The following SOX5 variants were observed in gnomAD, a reference collection of about 807,000 sequenced individuals.
The protein encoded by SOX5 is transcription factor SOX-5.
Under a neutral mutation model 92.0 loss-of-function variants are expected in SOX5, and 9 were observed. That is an observed-to-expected ratio of 0.10 (90% confidence interval 0.06 to 0.17). The LOEUF (loss-of-function observed/expected upper bound fraction) is 0.17, where lower values mean the gene tolerates loss of function less well. SOX5 is among the 10% of genes least tolerant of loss of function. The pLI, the probability that SOX5 is intolerant of heterozygous loss-of-function variation, is 1.00. For synonymous variants in SOX5, 344 were observed against 336.3 expected (o/e 1.02, Z -0.25); for missense variants, 642 against 944.5 (o/e 0.68, Z 4.20).
At chr12:24,066,043 C>G (rs1386215762) in intron 4 of SOX5, among the ~76,000 whole-genome samples, 1 of 151,410 alleles carries the variant, frequency 6.6e-6, no homozygotes, top group Non-Finnish European at 1.5e-5. Context: ...AAGGAACTTA[C>G]AGTCTAAAAA....
At chr12:24,099,739 T>A (rs1349512099) in intron 4 of SOX5, among the ~76,000 whole-genome samples, 1 of 152,150 alleles carries the variant, frequency 6.6e-6, no homozygotes, top group Admixed American at 6.6e-5. Flanking sequence ...TGAAGATGTA[T>A]TAAGTTTACT....
chr12:24,202,209 A>C (rs1347629215), intron 4 of SOX5, among the ~76,000 whole-genome samples: 2 of 152,228 alleles, frequency 1.3e-5, no homozygotes, highest in African/African-American at 4.8e-5. Context: ...TAACATACCT[A>C]TCACTCTATT....
chr12:24,365,004 T>C (rs1231871283), intron 2 of SOX5, among the ~76,000 whole-genome samples: 3 of 152,036 alleles, frequency 2.0e-5, no homozygotes, highest in African/African-American at 4.8e-5. Context: ...TTCAGTGGCA[T>C]TAATTGGTAG....
chr12:23,544,309 G>C (rs1942704176), intron 12 of SOX5, among the ~76,000 whole-genome samples: 1 of 152,164 alleles, frequency 6.6e-6, no homozygotes, highest in Admixed American at 6.5e-5. Flanking sequence ...CAAGATACTT[G>C]AGTTTAGGCA....
At position 23,705,870 on chromosome 12, in the gene SOX5, C is replaced by A. The variant is rs139699397; in HGVS notation, c.810+28814G>T. Among the ~76,000 whole-genome samples the A allele has an allele frequency of 9.9e-5, 15 of 152,216 alleles. No individual in the cohort carries two copies. The East Asian group carries it at 2.7e-3, about 27-fold the overall frequency. Reference sequence around the variant, plus strand: ...CCCTTTTGATGTTCCTTGTAAGCTTCTCTCTCCACTAACAATCCCACTGCT... The same window carrying A: ...CCCTTTTGATGTTCCTTGTAAGCTTATCTCTCCACTAACAATCCCACTGCT... On this transcript the variant is annotated intron_variant, in intron 6 of 14. Transcript: ENST00000451604.
At chr12:24,546,375 C>T (rs1952625891) in intron 1 of SOX5, among the ~76,000 whole-genome samples, 1 of 151,518 alleles carries the variant, frequency 6.6e-6, no homozygotes, top group Non-Finnish European at 1.5e-5. Context: ...GTATGAGTTT[C>T]CCCATGGCCT....
chr12:23,732,564 C>T (rs906997860), intron 6 of SOX5, among the ~76,000 whole-genome samples: 4 of 152,130 alleles, frequency 2.6e-5, no homozygotes, highest in Admixed American at 6.5e-5. Context: ...CATTTATCTG[C>T]ACTAACTCTA....
chr12:23,625,010 T>C (rs2077592124), intron 8 of SOX5, among the ~76,000 whole-genome samples: 1 of 152,156 alleles, frequency 6.6e-6, no homozygotes, highest in African/African-American at 2.4e-5. Flanking sequence ...ATGTATAATA[T>C]ACCATATGCG....
intron 4 of SOX5, among the ~76,000 whole-genome samples, chr12:24,188,996 C>T (rs1365570441): frequency 1.3e-5 from 2 of 152,110 alleles, no homozygotes; most frequent in African/African-American, 2.4e-5. Flanking sequence ...AGATATATTC[C>T]ACCAGAAAAC....
chr12:23,543,418 TAAAACTTTTGTC>T, intron 12 of SOX5, 34 bp from the exon 13 acceptor site: 1 of 1,575,624 alleles, frequency 6.3e-7, no homozygotes, highest in Non-Finnish European at 8.7e-7. Context: ...GTGTTAGCGT[TAAAACTTTTGTC>T]AGCTCTTTTC....
chr12:23,694,158 T>G (rs1441740907), intron 6 of SOX5, among the ~76,000 whole-genome samples: 1 of 152,228 alleles, frequency 6.6e-6, no homozygotes, highest in East Asian at 1.9e-4. Flanking sequence ...TGATTTGCCT[T>G]TTCATGACTG....
intron 4 of SOX5, among the ~76,000 whole-genome samples, chr12:23,968,225 GA>G (rs1207175875): frequency 2.0e-5 from 3 of 152,292 alleles, no homozygotes; most frequent in Non-Finnish European, 4.4e-5. Flanking sequence ...ACTTCTCAGT[GA>G]AATAAAGTAT....
intron 4 of SOX5, among the ~76,000 whole-genome samples, chr12:23,957,905 A>C: frequency 6.6e-6 from 1 of 152,158 alleles, no homozygotes; most frequent in East Asian, 1.9e-4. Flanking sequence ...AAAAAAGATA[A>C]ATTAATGTTT....
chr12:23,621,665 TAA>T (rs367885478), intron 8 of SOX5, among the ~76,000 whole-genome samples: 1 of 152,044 alleles, frequency 6.6e-6, no homozygotes, highest in Non-Finnish European at 1.5e-5. Flanking sequence ...TTAGATTCTT[TAA>T]AAAATACTCA....
chr12:24,417,488 A>C (rs1246807927), intron 1 of SOX5, among the ~76,000 whole-genome samples: 3 of 152,226 alleles, frequency 2.0e-5, no homozygotes, highest in African/African-American at 7.2e-5. Context: ...GATAATTTTC[A>C]TGAGACTCAA....
chr12:24,126,436 T>G (rs935555047), intron 4 of SOX5, among the ~76,000 whole-genome samples: 1 of 152,172 alleles, frequency 6.6e-6, no homozygotes, highest in Non-Finnish European at 1.5e-5. Context: ...AAAACCAGGA[T>G]AGCACCCTTA....
At chr12:23,639,841 C>T (rs908647743) in intron 8 of SOX5, among the ~76,000 whole-genome samples, 2 of 152,176 alleles carry the variant, frequency 1.3e-5, no homozygotes, top group African/African-American at 4.8e-5. Context: ...CTTGATGCTA[C>T]AATATAAAAC....
chr12:23,539,957 G>A (rs911996793), intron 13 of SOX5, among the ~76,000 whole-genome samples: 2 of 152,036 alleles, frequency 1.3e-5, no homozygotes, highest in Non-Finnish European at 2.9e-5. Context: ...CCTTGAATTA[G>A]CTTAACCAAC....
At chr12:24,318,291 G>A (rs995126424) in intron 2 of SOX5, among the ~76,000 whole-genome samples, 1 of 152,150 alleles carries the variant, frequency 6.6e-6, no homozygotes, top group Non-Finnish European at 1.5e-5. Context: ...AAGTTTCAAG[G>A]ATGTAAGCAA....
Sources: allele counts gnomAD v4.1 joint callset (sites outside exome capture counted in the v4.1 genomes callset), GRCh38; gene constraint gnomAD v4.1.1; transcripts MANE v1.5; gene names NCBI Gene and HGNC (gene_info 2026-07-23, HGNC 2026-07-21).